The following FMNL2 variants were observed in gnomAD, a reference collection of about 807,000 sequenced individuals.
The protein encoded by FMNL2 is formin like 2, also known as formin-like protein 2.
FMNL2 carries 51 observed loss-of-function variants against 130.2 expected under a neutral mutation model. That is an observed-to-expected ratio of 0.39 (90% confidence interval 0.31 to 0.49). The LOEUF (loss-of-function observed/expected upper bound fraction) is 0.49. Among genes scored for constraint, FMNL2 ranks in the 20% least tolerant of loss-of-function variants. The pLI is 0.85. For synonymous variants in FMNL2, 465 were observed against 467.1 expected, an observed-to-expected ratio of 1.00 and a Z score of 0.06; for missense variants, 977 against 1,316.2, an observed-to-expected ratio of 0.74 and a Z score of 3.99.
intron 1 of FMNL2, among the ~76,000 whole-genome samples, chr2:152,440,417 A>G (rs1687993613): frequency 6.6e-6 from 1 of 152,250 alleles, no homozygotes; most frequent in Non-Finnish European, 1.5e-5. Flanking sequence ...CATAAATGCT[A>G]ACATCTACTT....
chr2:152,485,576 C>G (rs933241794), intron 1 of FMNL2, among the ~76,000 whole-genome samples: 1 of 152,196 alleles, frequency 6.6e-6, no homozygotes, highest in African/African-American at 2.4e-5. Flanking sequence ...AGTTTTCAAC[C>G]TCTAACTGGT....
At chr2:152,643,879 G>A in intron 25 of FMNL2, 1 of 985,346 alleles carries the variant, frequency 1.0e-6, no homozygotes. Flanking sequence ...TTGAGCTAAT[G>A]TCCTTCAACA....
intron 3 of FMNL2, among the ~76,000 whole-genome samples, chr2:152,547,341 A>T (rs1694700625): frequency 6.6e-6 from 1 of 152,186 alleles, no homozygotes; most frequent in Non-Finnish European, 1.5e-5. Flanking sequence ...ACTCTCAAGT[A>T]TGCCACCATT....
At chr2:152,582,391 C>T (rs756395536) in intron 9 of FMNL2, among the ~76,000 whole-genome samples, 24 of 152,226 alleles carry the variant, frequency 1.6e-4, no homozygotes, top group Non-Finnish European at 2.4e-4. Context: ...AGACACTCCT[C>T]TTGCTCCTTT....
chr2:152,386,803 C>T (rs1684809882), intron 1 of FMNL2, among the ~76,000 whole-genome samples: 1 of 152,120 alleles, frequency 6.6e-6, no homozygotes, highest in Non-Finnish European at 1.5e-5. Flanking sequence ...TGTTATTCAC[C>T]ATAGTCTAAT....
At chr2:152,416,305 G>A (rs1194386809) in intron 1 of FMNL2, among the ~76,000 whole-genome samples, 2 of 152,196 alleles carry the variant, frequency 1.3e-5, no homozygotes, top group Non-Finnish European at 2.9e-5. Flanking sequence ...AGGGAGTGTG[G>A]TGTACTTACC....
chr2:152,607,401 C>G lies in FMNL2; in HGVS notation c.939C>G (p.Asn313Lys). The G allele has an allele frequency of 6.2e-7, 1 of 1,612,120 alleles. No individual in the cohort carries two copies. The highest frequency in any genetic ancestry group is 1.1e-5 in the South Asian group (1 of 90,856). ...AACATTTCAGGAATGAAGACAATAA[C>G]ATAGATTTTATGGTGAGTTATTTCA... ...LMEHFRNEDNNIDFMVASMQF... is the reference protein window; with the variant it reads ...LMEHFRNEDNKIDFMVASMQF... Residue 313 changes from asparagine (N) to lysine (K), a missense_variant, in exon 10 of 26, where the codon AAC becomes AAG. By Grantham distance (94) the Asn-to-Lys change is moderately conservative. Transcript: ENST00000288670.
intron 4 of FMNL2, among the ~76,000 whole-genome samples, chr2:152,550,795 C>T (rs1694895569): frequency 6.6e-6 from 1 of 152,120 alleles, no homozygotes; most frequent in Non-Finnish European, 1.5e-5. Flanking sequence ...GCCCTTTTAA[C>T]TGAAAATGGT....
At chr2:152,451,281 T>C (rs1288392790) in intron 1 of FMNL2, among the ~76,000 whole-genome samples, 3 of 152,132 alleles carry the variant, frequency 2.0e-5, no homozygotes, top group African/African-American at 7.2e-5. Context: ...CCCAAGTAGC[T>C]GGGACTACAG....
intron 1 of FMNL2, among the ~76,000 whole-genome samples, chr2:152,398,508 C>T (rs1685517028): frequency 6.6e-6 from 1 of 152,166 alleles, no homozygotes; most frequent in Non-Finnish European, 1.5e-5. Flanking sequence ...GATGACTGAA[C>T]ATTCAAACTG....
At chr2:152,362,673 T>C (rs907071401) in intron 1 of FMNL2, among the ~76,000 whole-genome samples, 1 of 152,096 alleles carries the variant, frequency 6.6e-6, no homozygotes, top group African/African-American at 2.4e-5. Context: ...TAATCATTGA[T>C]TATTGATTAA....
chr2:152,374,326 A>G (rs1684047135), intron 1 of FMNL2, among the ~76,000 whole-genome samples: 1 of 152,030 alleles, frequency 6.6e-6, no homozygotes, highest in African/African-American at 2.4e-5. Context: ...CCTGTGGGAG[A>G]GGGTCATGGT....
chr2:152,382,938 T>A (rs939867410), intron 1 of FMNL2, among the ~76,000 whole-genome samples: 2 of 152,180 alleles, frequency 1.3e-5, no homozygotes, highest in African/African-American at 4.8e-5. Context: ...TCCAGTGACA[T>A]TGTAGCTGCC....
At chr2:152,645,379 T>C (rs934710177) in intron 25 of FMNL2, 32 of 1,069,748 alleles carry the variant, frequency 3.0e-5, no homozygotes, top group Non-Finnish European at 3.7e-5. Context: ...TGCTTTCCAT[T>C]TTCATCCCAT....
chr2:152,614,296 GT>G (rs760592132), intron 11 of FMNL2, among the ~76,000 whole-genome samples: 26 of 152,242 alleles, frequency 1.7e-4, no homozygotes, highest in Non-Finnish European at 3.2e-4. Context: ...ACATGGGGCA[GT>G]AAGGATTTGG....
chr2:152,381,306 C>T (rs777041624), intron 1 of FMNL2, among the ~76,000 whole-genome samples: 1 of 152,152 alleles, frequency 6.6e-6, no homozygotes, highest in East Asian at 1.9e-4. Flanking sequence ...TGGCATATTT[C>T]ATACGTTTCA....
chr2:152,519,396 G>A (rs959523835), intron 1 of FMNL2, among the ~76,000 whole-genome samples: 1 of 152,176 alleles, frequency 6.6e-6, no homozygotes, highest in African/African-American at 2.4e-5. Context: ...TTTGTTGAAC[G>A]AAAGACTCTT....
chr2:152,442,565 C>T (rs1313644194), intron 1 of FMNL2, among the ~76,000 whole-genome samples: 1 of 152,070 alleles, frequency 6.6e-6, no homozygotes, highest in Non-Finnish European at 1.5e-5. Flanking sequence ...TGTCCTTTTT[C>T]ATATGCTATT....
chr2:152,604,076 T>A (rs112048962), intron 9 of FMNL2, among the ~76,000 whole-genome samples: 2,143 of 151,144 alleles, frequency 0.014, 68 homozygotes, highest in African/African-American at 0.049. Flanking sequence ...AAGTTTCTGG[T>A]GCAGGGATGT....
Sources: gnomAD v4.1 joint callset for allele counts (sites outside exome capture counted in the v4.1 genomes callset) on GRCh38, gnomAD v4.1.1 for gene constraint, MANE v1.5 for transcripts, NCBI Gene and HGNC (gene_info 2026-07-23, HGNC 2026-07-21) for gene names.